The following ZNF562 variants were observed in gnomAD, a reference collection of about 807,000 sequenced individuals.
The protein encoded by ZNF562 is zinc finger protein 562.
Under a neutral mutation model 17.5 loss-of-function variants are expected in ZNF562, and 13 were observed. The observed-to-expected ratio is 0.74, with a 90% CI of 0.48 to 1.18. The LOEUF (loss-of-function observed/expected upper bound fraction) is 1.18, where lower values mean the gene tolerates loss of function less well. Among genes scored for constraint, ZNF562 ranks in the 50% most tolerant of loss-of-function variants. The probability of loss-of-function intolerance (pLI) is 0.00; values close to 1 mark genes in which losing one functional copy is unlikely to be tolerated. For synonymous variants in ZNF562, 163 were observed against 165.4 expected (o/e 0.99, Z 0.11); for missense variants, 481 against 498.5 (o/e 0.96, Z 0.33).
rs113942002 is a variant in ZNF562 at position 9,642,300 on chromosome 19, A to C, written c.*10649T>G. ...CTTTTTTTTCTTTAAAAAAAAAAAA[A>C]AAAACAGGGTTTCACTCTGTCACAC... On this transcript the variant is annotated 3_prime_UTR_variant, in exon 6 of 6. Coordinates refer to ENST00000453372, the MANE Select transcript of ZNF562 (RefSeq NM_001130031.2). 2.6e-5 allele frequency: 4 copies of C among 151,884 alleles called. No homozygotes were observed. Among genetic ancestry groups the C allele is most frequent in the Admixed American group, 6.6e-5 (1 of 15,248 alleles). 9.4% of individuals were successfully genotyped at this position (151,884 alleles called of 1,614,324 possible).
In ZNF562 at chr19:9,647,305, C is replaced by G. The variant is rs1184093675; in HGVS notation, c.*5644G>C. The G allele has an allele frequency of 6.6e-6, 1 of 152,150 alleles. No individual in the cohort carries two copies. Among genetic ancestry groups the G allele is most frequent in the Non-Finnish European group, 1.5e-5 (1 of 68,144 alleles). The allele number at this position is 152,150 out of a possible 1,614,324, so 9.4% of individuals were successfully genotyped here. On this transcript the variant is annotated 3_prime_UTR_variant, in exon 6 of 6. Transcript: ENST00000453372. ...ACATGTTGGCCAGGATGGTCTTGAT[C>G]TCTTGACCTCATGATCTGCCTGCCT...
intron 1 of ZNF562, 40 bp downstream of exon 1, chr19:9,674,975 C>G (rs1281845893): frequency 6.6e-6 from 1 of 152,590 alleles, no homozygotes; most frequent in African/African-American, 2.4e-5. Flanking sequence ...CTTTGCCGCC[C>G]CGCTGGTATG....
intron 5 of ZNF562, among the ~76,000 whole-genome samples, chr19:9,655,783 G>C (rs1359383381): frequency 1.7e-5 from 2 of 118,390 alleles, no homozygotes; most frequent in East Asian, 6.0e-4. Context: ...ATCTAAGCTG[G>C]AATGCAGTGG....
chr19:9,643,943 C>A lies in ZNF562; in HGVS notation c.*9006G>T, dbSNP rs551866492. 1 of 152,010 alleles carries A rather than the reference C, an allele frequency of 6.6e-6. No homozygotes were observed. Among genetic ancestry groups the A allele is most frequent in the South Asian group, 2.1e-4 (1 of 4,812 alleles). The allele number at this position is 152,010 out of a possible 1,614,324, so 9.4% of individuals were successfully genotyped here. A position where few individuals can be genotyped will look rare whatever the true frequency, so the allele number is the denominator to read the frequency against. ...TCCCGAGTAGCTAGGAATACATGCA[C>A]ATGCCACCACGCCCAGCTATATTTT... On this transcript the variant is annotated 3_prime_UTR_variant, in exon 6 of 6. Coordinates refer to ENST00000453372, the MANE Select transcript of ZNF562 (RefSeq NM_001130031.2).
chr19:9,669,734 GCACACACACACACACACA>G (rs71188835), intron 1 of ZNF562, among the ~76,000 whole-genome samples: 12 of 109,302 alleles, frequency 1.1e-4, no homozygotes, highest in Admixed American at 2.9e-4. Context: ...GCGCGCGCGC[GCACACACACACACACACA>G]CACACACACA....
At chr19:9,669,722 GCGCGCGCGCGCGCACACACACACA>G (rs1376815140) in intron 1 of ZNF562, among the ~76,000 whole-genome samples, 7 of 97,470 alleles carry the variant, frequency 7.2e-5, no homozygotes, top group African/African-American at 1.7e-4. Flanking sequence ...GCGCGAGCGC[GCGCGCGCGCGCGCACACACACACA>G]CACACACACA....
intron 3 of ZNF562, 93 bp downstream of exon 3, chr19:9,659,286 G>C: frequency 8.4e-7 from 1 of 1,194,566 alleles, no homozygotes; most frequent in African/African-American, 1.5e-5. Flanking sequence ...TTTGCTCTAA[G>C]AAAACTCTGG....
intron 2 of ZNF562, among the ~76,000 whole-genome samples, chr19:9,659,976 A>C (rs1163874513): frequency 3.3e-5 from 4 of 119,532 alleles, no homozygotes; most frequent in South Asian, 5.8e-4. Context: ...AAAAAAAAAA[A>C]AACTACAGGA....
chr19:9,655,891 C>G (rs1440051296), intron 5 of ZNF562, among the ~76,000 whole-genome samples: 2 of 151,662 alleles, frequency 1.3e-5, no homozygotes, highest in Non-Finnish European at 2.9e-5. Flanking sequence ...CACCACCACA[C>G]ACAGCTAATT....
intron 2 of ZNF562, 70 bp downstream of exon 2, chr19:9,660,650 A>C: frequency 6.6e-7 from 1 of 1,511,492 alleles, no homozygotes; most frequent in Non-Finnish European, 9.0e-7. Context: ...GGCCCAGCTC[A>C]CTGGACTCTT....
In ZNF562 at chr19:9,651,896, C is replaced by T. The variant is rs999106220; in HGVS notation, c.*1053G>A. On this transcript the variant is annotated 3_prime_UTR_variant, in exon 6 of 6. Coordinates refer to ENST00000453372, the MANE Select transcript of ZNF562 (RefSeq NM_001130031.2). ...GTCTTTGTCTTAATTCCTCTAGAGC[C>T]ACTGGGTTAGGGTCTCCACGACCCA... 1 of 152,172 alleles carries T rather than the reference C, an allele frequency of 6.6e-6. No individual in the cohort carries two copies. Among genetic ancestry groups the T allele is most frequent in the African/African-American group, 2.4e-5 (1 of 41,424 alleles). 9.4% of individuals were successfully genotyped at this position (152,172 alleles called of 1,614,324 possible).
intron 5 of ZNF562, among the ~76,000 whole-genome samples, chr19:9,655,395 C>T (rs777923138): frequency 7.9e-5 from 12 of 152,166 alleles, no homozygotes; most frequent in Non-Finnish European, 1.6e-4. Flanking sequence ...AGGTATGGAA[C>T]ATCAGAAAAT....
At chr19:9,661,400 C>A (rs533470307) in intron 1 of ZNF562, among the ~76,000 whole-genome samples, 2 of 152,210 alleles carry the variant, frequency 1.3e-5, no homozygotes, top group South Asian at 4.1e-4. Context: ...CTCACTGCAA[C>A]CTCTGCCTCC....
rs999621321 is a variant in ZNF562 at position 9,643,347 on chromosome 19, CTG to C, written c.*9600_*9601del. On this transcript the variant is annotated 3_prime_UTR_variant, in exon 6 of 6. Coordinates refer to ENST00000453372, the MANE Select transcript of ZNF562 (RefSeq NM_001130031.2). Reference sequence around the variant, plus strand: ...CCAGCCTGGGTGACAGAGCGAGACTCTGTCATTCATAAATAAATAAGTTTAGA... The same window carrying C: ...CCAGCCTGGGTGACAGAGCGAGACTCTCATTCATAAATAAATAAGTTTAGA... 1 of 151,720 alleles carries C rather than the reference CTG, an allele frequency of 6.6e-6. No homozygotes were observed. Among genetic ancestry groups the C allele is most frequent in the Non-Finnish European group, 1.5e-5 (1 of 68,020 alleles). The allele number at this position is 151,720 out of a possible 1,614,324, so 9.4% of individuals were successfully genotyped here. A position where few individuals can be genotyped will look rare whatever the true frequency, so the allele number is the denominator to read the frequency against.
At chr19:9,672,687 G>T (rs375967484) in intron 1 of ZNF562, among the ~76,000 whole-genome samples, 28 of 151,726 alleles carry the variant, frequency 1.8e-4, no homozygotes, top group Middle Eastern at 3.4e-3. Context: ...CTTTCTTCCT[G>T]GTTCCTGGAG....
Position 9,653,317 on chromosome 19 carries a change from C to T in ZNF562, c.913G>A (p.Val305Ile). Reference protein sequence around the residue: ...RSFRNSSSFNVHIQIHTGIKP... With the variant: ...RSFRNSSSFNIHIQIHTGIKP... Reference sequence around the variant, plus strand: ...ATTCCAGTGTGAATTTGAATGTGAACATTAAAGGATGAGGAATTTCTAAAG... The same window carrying T: ...ATTCCAGTGTGAATTTGAATGTGAATATTAAAGGATGAGGAATTTCTAAAG... The change falls in exon 6 of 6, where the codon GTT (valine) becomes ATT (isoleucine). Residue 305 changes from valine (V) to isoleucine (I), a missense_variant. Physicochemically the swap from Val to Ile is conservative, Grantham distance 29. Coordinates refer to ENST00000453372, the MANE Select transcript of ZNF562 (RefSeq NM_001130031.2). The T allele has an allele frequency of 1.2e-6, 2 of 1,614,106 alleles. No homozygotes were observed. The highest frequency in any genetic ancestry group is 1.1e-5 in the South Asian group (1 of 91,056).
intron 1 of ZNF562, 85 bp from the exon 2 acceptor site, chr19:9,660,959 T>C (rs902499622): frequency 1.6e-5 from 7 of 444,072 alleles, no homozygotes; most frequent in Non-Finnish European, 2.8e-5. Context: ...AGGTGACAGA[T>C]GTGAAGGCCA....
At position 9,650,710 on chromosome 19, in the gene ZNF562, G is replaced by C. The variant is rs2074855366; in HGVS notation, c.*2239C>G. The C allele has an allele frequency of 6.6e-6, 1 of 152,102 alleles. No homozygotes were observed. The highest frequency in any genetic ancestry group is 1.5e-5 in the Non-Finnish European group (1 of 68,074). The allele number at this position is 152,102 out of a possible 1,614,324, so 9.4% of individuals were successfully genotyped here. The stretch of plus-strand genomic sequence containing the variant: ...CAGGCCTGTAATCCCAGCACTTTGG[G>C]AGGCCAAGGCAGGTGGATCACCAAA... On this transcript the variant is annotated 3_prime_UTR_variant, in exon 6 of 6. Coordinates refer to ENST00000453372, the MANE Select transcript of ZNF562 (RefSeq NM_001130031.2).
chr19:9,651,913 CACG>C lies in ZNF562; in HGVS notation c.*1033_*1035del, dbSNP rs1168968895. 3 of 152,292 alleles carry C rather than the reference CACG, an allele frequency of 2.0e-5. No homozygotes were observed. Among genetic ancestry groups the C allele is most frequent in the East Asian group, 3.9e-4 (2 of 5,174 alleles). 9.4% of individuals were successfully genotyped at this position (152,292 alleles called of 1,614,324 possible). On this transcript the variant is annotated 3_prime_UTR_variant, in exon 6 of 6. Coordinates refer to ENST00000453372, the MANE Select transcript of ZNF562 (RefSeq NM_001130031.2). ...TCTAGAGCCACTGGGTTAGGGTCTC[CACG>C]ACCCAGCTGGTCTCGGCAAAAATGC...
Sources: gnomAD v4.1 joint callset for allele counts (sites outside exome capture counted in the v4.1 genomes callset) on GRCh38, gnomAD v4.1.1 for gene constraint, MANE v1.5 for transcripts, NCBI Gene and HGNC (gene_info 2026-07-23, HGNC 2026-07-21) for gene names.